TRIM61: variants seen among roughly 807,000 people sequenced by gnomAD.
TRIM61 encodes putative tripartite motif-containing protein 61.
A neutral mutation model predicts 14.2 loss-of-function variants in TRIM61; 1 was observed. The observed-to-expected ratio is 0.07, with a 90% CI of 0.03 to 0.33. The LOEUF (loss-of-function observed/expected upper bound fraction) is 0.33, where lower values mean the gene tolerates loss of function less well. Among genes scored for constraint, TRIM61 ranks in the 10% least tolerant of loss-of-function variants. TRIM61 has a pLI of 0.99. For synonymous variants in TRIM61, 8 were observed against 71.6 expected (o/e 0.11, Z 4.49); for missense variants, 19 against 202.2 (o/e 0.09, Z 5.49).
At chr4:164,966,088 G>T (rs971748789) in intron 3 of TRIM61, among the ~76,000 whole-genome samples, 1 of 152,192 alleles carries the variant, frequency 6.6e-6, no homozygotes, top group Non-Finnish European at 1.5e-5. Context: ...AGATGAGAAG[G>T]CTCCTTGAGA....
At chr4:164,960,198 T>C (rs1222987352) in intron 3 of TRIM61, among the ~76,000 whole-genome samples, 1 of 151,836 alleles carries the variant, frequency 6.6e-6, no homozygotes, top group East Asian at 1.9e-4. Flanking sequence ...AACAAACCAA[T>C]CCTGCCAACA....
intron 2 of TRIM61, among the ~76,000 whole-genome samples, chr4:164,972,886 TC>T (rs1732399960): frequency 6.6e-6 from 1 of 152,146 alleles, no homozygotes; most frequent in East Asian, 1.9e-4. Flanking sequence ...TGTTTATAAC[TC>T]CCCACAAGTC....
chr4:164,970,456 G>A (rs111383001), intron 2 of TRIM61, 117 bp from the exon 3 acceptor site: 2,357 of 172,732 alleles, frequency 0.014, 59 homozygotes, highest in African/African-American at 0.054. Flanking sequence ...GGAAAAACAA[G>A]ATTCTCATAT....
intron 3 of TRIM61, among the ~76,000 whole-genome samples, chr4:164,964,204 C>T (rs1320153602): frequency 6.6e-6 from 1 of 151,330 alleles, no homozygotes; most frequent in Non-Finnish European, 1.5e-5. Flanking sequence ...AAAAATTCGC[C>T]GGGCTTGGTG....
Position 164,957,278 on chromosome 4 carries a change from G to C in TRIM61, c.526-2182C>G, listed in dbSNP as rs202238726. 9.1e-5 allele frequency: 147 copies of C among 1,614,002 alleles called. 1 individual carries two copies. The highest frequency in any genetic ancestry group is 1.2e-4 in the Non-Finnish European group (136 of 1,180,016). On this transcript the variant is annotated intron_variant, in intron 3 of 4. Coordinates refer to ENST00000329314, the MANE Select transcript of TRIM61 (RefSeq NM_001012414.3). ...CTGGGAGAAGCGAATCGTTTTCTCC[G>C]CGTGCCCTGTCAGCCGCTCATGGTG...
At chr4:164,965,380 G>T (rs1333860449) in intron 3 of TRIM61, among the ~76,000 whole-genome samples, 1 of 151,758 alleles carries the variant, frequency 6.6e-6, no homozygotes, top group East Asian at 1.9e-4. Context: ...GACCTTGGGT[G>T]CGAGTTCATG....
intron 3 of TRIM61, chr4:164,959,011 ACG>A (rs1422978432): frequency 1.8e-5 from 3 of 167,124 alleles, no homozygotes; most frequent in African/African-American, 7.2e-5. Context: ...TTGGATTAAT[ACG>A]TTCATATGAC....
At chr4:164,960,783 T>A (rs1732114309) in intron 3 of TRIM61, among the ~76,000 whole-genome samples, 1 of 152,016 alleles carries the variant, frequency 6.6e-6, no homozygotes, top group Non-Finnish European at 1.5e-5. Flanking sequence ...AAAACCCATC[T>A]CTACTGAATA....
At chr4:164,958,279 C>T (rs989708016) in intron 3 of TRIM61, 7 of 166,926 alleles carry the variant, frequency 4.2e-5, no homozygotes, top group African/African-American at 1.7e-4. Context: ...GAGTGGCAAT[C>T]GTTCTATTAA....
At chr4:164,956,869 C>G (rs1732002400) in intron 3 of TRIM61, 1 of 747,436 alleles carries the variant, frequency 1.3e-6, no homozygotes, top group Admixed American at 3.1e-5. Context: ...TGCAGCGTTT[C>G]TCCCAGGAGG....
At chr4:164,963,744 C>T (rs1486805802) in intron 3 of TRIM61, among the ~76,000 whole-genome samples, 6 of 117,092 alleles carry the variant, frequency 5.1e-5, no homozygotes, top group Admixed American at 1.7e-4. Flanking sequence ...AACTCTGTTT[C>T]AAAAAAAAAA....
At chr4:164,964,667 G>GA (rs1172054179) in intron 3 of TRIM61, among the ~76,000 whole-genome samples, 1 of 152,154 alleles carries the variant, frequency 6.6e-6, no homozygotes, top group Non-Finnish European at 1.5e-5. Flanking sequence ...TAGGGGAAAA[G>GA]AATATTATAG....
chr4:164,971,114 A>G (rs1199558385), intron 2 of TRIM61, among the ~76,000 whole-genome samples: 1 of 152,100 alleles, frequency 6.6e-6, no homozygotes, highest in Non-Finnish European at 1.5e-5. Flanking sequence ...CCTCAAAAAA[A>G]ATGGGGAACA....
intron 2 of TRIM61, among the ~76,000 whole-genome samples, chr4:164,972,888 C>A (rs1310829029): frequency 6.6e-6 from 1 of 152,138 alleles, no homozygotes; most frequent in South Asian, 2.1e-4. Context: ...TTTATAACTC[C>A]CCACAAGTCA....
chr4:164,974,533 G>A (rs886512960), intron 2 of TRIM61, among the ~76,000 whole-genome samples: 8 of 152,168 alleles, frequency 5.3e-5, no homozygotes, highest in Middle Eastern at 3.4e-3. Context: ...TGTATATCCA[G>A]GGATGAGAGT....
chr4:164,959,578 GAGACCA>G (rs1359323448), intron 3 of TRIM61, among the ~76,000 whole-genome samples: 1 of 152,170 alleles, frequency 6.6e-6, no homozygotes, highest in Non-Finnish European at 1.5e-5. Context: ...ACACATGCCT[GAGACCA>G]AAGTTCAGAG....
chr4:164,962,597 C>G (rs921021540), intron 3 of TRIM61, among the ~76,000 whole-genome samples: 4 of 151,016 alleles, frequency 2.6e-5, no homozygotes, highest in Non-Finnish European at 5.9e-5. Context: ...AATTCTATAA[C>G]CAATTAGCAT....
At chr4:164,970,746 C>A (rs1298312678) in intron 2 of TRIM61, among the ~76,000 whole-genome samples, 1 of 151,924 alleles carries the variant, frequency 6.6e-6, no homozygotes, top group African/African-American at 2.4e-5. Flanking sequence ...ATGATAAATA[C>A]AACGTGTGAC....
intron 3 of TRIM61, among the ~76,000 whole-genome samples, chr4:164,964,913 C>G (rs576925313): frequency 6.6e-6 from 1 of 152,188 alleles, no homozygotes; most frequent in Non-Finnish European, 1.5e-5. Context: ...TCTAATAACA[C>G]TTATTTCACC....
Sources: gnomAD v4.1 joint callset for allele counts (sites outside exome capture counted in the v4.1 genomes callset) on GRCh38, gnomAD v4.1.1 for gene constraint, MANE v1.5 for transcripts, NCBI Gene and HGNC (gene_info 2026-07-23, HGNC 2026-07-21) for gene names.